SLC24A3: variants seen among roughly 807,000 people sequenced by gnomAD.
SLC24A3 encodes the protein sodium/potassium/calcium exchanger 3.
SLC24A3 carries 28 observed loss-of-function variants against 75.8 expected under a neutral mutation model. The ratio of observed to expected loss-of-function variants is 0.37; its 90% CI spans 0.27 to 0.51. SLC24A3 has a LOEUF of 0.51. Among genes scored for constraint, SLC24A3 ranks in the 20% least tolerant of loss-of-function variants. The pLI is 0.94. For synonymous variants in SLC24A3, 372 were observed against 334.1 expected, an observed-to-expected ratio of 1.11 and a Z score of -1.24; for missense variants, 663 against 847.8, an observed-to-expected ratio of 0.78 and a Z score of 2.71.
At chr20:19,618,341 G>A (rs1027777142) in intron 6 of SLC24A3, among the ~76,000 whole-genome samples, 3 of 152,182 alleles carry the variant, frequency 2.0e-5, no homozygotes, top group Admixed American at 6.5e-5. Context: ...GGTGTCAGGA[G>A]GGTTGCTGTC....
intron 2 of SLC24A3, among the ~76,000 whole-genome samples, chr20:19,403,924 G>A (rs1440871800): frequency 6.6e-6 from 1 of 152,182 alleles, no homozygotes; most frequent in Non-Finnish European, 1.5e-5. Flanking sequence ...AATAAAATGG[G>A]TAACCCTCAT....
At chr20:19,260,350 G>A (rs1982944494) in intron 1 of SLC24A3, among the ~76,000 whole-genome samples, 1 of 152,208 alleles carries the variant, frequency 6.6e-6, no homozygotes, top group Non-Finnish European at 1.5e-5. Context: ...GTAAGGTTAA[G>A]TAAGGTGTTG....
At chr20:19,589,498 C>A (rs1253262736) in intron 6 of SLC24A3, among the ~76,000 whole-genome samples, 1 of 152,066 alleles carries the variant, frequency 6.6e-6, no homozygotes, top group African/African-American at 2.4e-5. Flanking sequence ...GTGGAAAGGG[C>A]CTGAAATGGT....
At chr20:19,292,657 G>A (rs748846947) in intron 2 of SLC24A3, among the ~76,000 whole-genome samples, 4 of 152,138 alleles carry the variant, frequency 2.6e-5, no homozygotes, top group Non-Finnish European at 5.9e-5. Flanking sequence ...AGCAGTGGTC[G>A]CAGGGATGAG....
At chr20:19,265,211 T>A (rs975357074) in intron 1 of SLC24A3, among the ~76,000 whole-genome samples, 17 of 152,246 alleles carry the variant, frequency 1.1e-4, no homozygotes, top group Admixed American at 2.0e-4. Context: ...GGGGGCTAGG[T>A]GTCAACTGTC....
intron 11 of SLC24A3, 138 bp downstream of exon 11, chr20:19,684,474 T>A: frequency 2.0e-6 from 2 of 1,020,126 alleles, no homozygotes; most frequent in South Asian, 1.8e-5. Context: ...TTTCCTAATC[T>A]TAGTTCCCTG....
intron 9 of SLC24A3, among the ~76,000 whole-genome samples, chr20:19,680,407 G>A (rs944024911): frequency 2.0e-5 from 3 of 152,152 alleles, no homozygotes; most frequent in African/African-American, 7.2e-5. Context: ...AGGAGGCACG[G>A]TGAGGTCTGC....
intron 2 of SLC24A3, among the ~76,000 whole-genome samples, chr20:19,514,444 C>A (rs1342766369): frequency 6.6e-5 from 10 of 152,220 alleles, no homozygotes; most frequent in Non-Finnish European, 1.5e-4. Context: ...TCTCTAAGAA[C>A]TTGCTAGAGA....
At chr20:19,363,341 G>A (rs1985827054) in intron 2 of SLC24A3, among the ~76,000 whole-genome samples, 1 of 152,210 alleles carries the variant, frequency 6.6e-6, no homozygotes, top group African/African-American at 2.4e-5. Flanking sequence ...CATTCTCCCA[G>A]GACATCAAAT....
At chr20:19,243,516 A>G (rs957384630) in intron 1 of SLC24A3, among the ~76,000 whole-genome samples, 4 of 152,210 alleles carry the variant, frequency 2.6e-5, no homozygotes, top group African/African-American at 9.6e-5. Flanking sequence ...AGATGCCTCT[A>G]TCTTGTCTGT....
intron 2 of SLC24A3, among the ~76,000 whole-genome samples, chr20:19,349,450 G>A (rs1251961038): frequency 1.3e-5 from 2 of 152,332 alleles, no homozygotes; most frequent in East Asian, 3.9e-4. Context: ...CTCTTTGCCT[G>A]AGGGTTCTGG....
chr20:19,322,407 C>A (rs1218348487), intron 2 of SLC24A3, among the ~76,000 whole-genome samples: 1 of 135,116 alleles, frequency 7.4e-6, no homozygotes. Flanking sequence ...TCCTTCCTTC[C>A]TTCCTTCCTT....
chr20:19,581,186 G>A (rs1443908667), intron 4 of SLC24A3, among the ~76,000 whole-genome samples: 2 of 152,204 alleles, frequency 1.3e-5, no homozygotes, highest in Non-Finnish European at 1.5e-5. Context: ...ACAGTGGGCA[G>A]GTGTGGAAGC....
intron 2 of SLC24A3, among the ~76,000 whole-genome samples, chr20:19,462,777 A>T (rs1987699827): frequency 6.6e-6 from 1 of 152,154 alleles, no homozygotes; most frequent in South Asian, 2.1e-4. Context: ...GTGAGTGCAG[A>T]TGGAAATGCA....
intron 15 of SLC24A3, among the ~76,000 whole-genome samples, chr20:19,711,238 C>G (rs1405441448): frequency 6.6e-6 from 1 of 151,228 alleles, no homozygotes; most frequent in Non-Finnish European, 1.5e-5. Flanking sequence ...TGCAGACACA[C>G]GCAGGCAAAT....
chr20:19,235,659 C>T (rs1600386593), intron 1 of SLC24A3, among the ~76,000 whole-genome samples: 1 of 152,200 alleles, frequency 6.6e-6, no homozygotes, highest in South Asian at 2.1e-4. Flanking sequence ...TCTTACCTGT[C>T]TGGCCCTCTA....
chr20:19,428,908 G>T (rs1349691411), intron 2 of SLC24A3, among the ~76,000 whole-genome samples: 3 of 152,134 alleles, frequency 2.0e-5, no homozygotes, highest in Non-Finnish European at 2.9e-5. Context: ...TGCAAGTTGG[G>T]GATATGGCAA....
intron 2 of SLC24A3, among the ~76,000 whole-genome samples, chr20:19,308,022 T>G (rs1015956622): frequency 6.6e-6 from 1 of 152,168 alleles, no homozygotes; most frequent in Non-Finnish European, 1.5e-5. Context: ...TAACCATACT[T>G]GACCTCATGT....
intron 6 of SLC24A3, among the ~76,000 whole-genome samples, chr20:19,589,156 T>A (rs796331492): frequency 2.0e-5 from 3 of 152,292 alleles, no homozygotes; most frequent in African/African-American, 7.2e-5. Context: ...TGAAAGGTGA[T>A]CCCAGGAAGT....
Sources: allele counts gnomAD v4.1 joint callset (sites outside exome capture counted in the v4.1 genomes callset), GRCh38; gene constraint gnomAD v4.1.1; transcripts MANE v1.5; gene names NCBI Gene and HGNC (gene_info 2026-07-23, HGNC 2026-07-21).